The following CDH13 variants were observed in gnomAD, a reference collection of about 807,000 sequenced individuals.
CDH13 encodes cadherin-13.
Under a neutral mutation model 63.8 loss-of-function variants are expected in CDH13, and 24 were observed. The observed-to-expected ratio is 0.38, with a 90% CI of 0.27 to 0.53. CDH13 has a LOEUF of 0.53. Among genes scored for constraint, CDH13 ranks in the 20% least tolerant of loss-of-function variants. CDH13 has a pLI of 0.85. For synonymous variants in CDH13, 503 were observed against 355.3 expected (o/e 1.42, Z -4.67); for missense variants, 1,049 against 903.1 (o/e 1.16, Z -2.07).
At chr16:83,015,677 GTATATATATATA>G (rs71148803) in intron 2 of CDH13, among the ~76,000 whole-genome samples, 1,628 of 37,572 alleles carry the variant, frequency 0.043, 105 homozygotes, top group African/African-American at 0.096. Context: ...GTGTGTGTAT[GTATATATATATA>G]TATATATATA....
rs557044641 is a variant in CDH13, at chr16:83,099,081, C to G, written c.367-26304C>G. On this transcript the variant is annotated intron_variant, in intron 3 of 13. Coordinates refer to ENST00000567109, the MANE Select transcript of CDH13 (RefSeq NM_001257.5). ...ATATACATATATATGCACATACACA[C>G]CCACACACACATACATAAAGATAGT... is the stretch of plus-strand genomic sequence containing the variant. Among the ~76,000 whole-genome samples the G allele has an allele frequency of 2.6e-5, 4 of 152,028 alleles. No individual in the cohort carries two copies. In the South Asian group the frequency reaches 8.3e-4, roughly 32 times the overall value.
At chr16:83,005,244 A>T (rs543469753) in intron 2 of CDH13, among the ~76,000 whole-genome samples, 2 of 152,272 alleles carry the variant, frequency 1.3e-5, no homozygotes, top group East Asian at 1.9e-4. Context: ...GGATTTTTGG[A>T]TGATTATTTC....
In CDH13 at chr16:83,704,743, A is replaced by G. The variant is rs137945037; in HGVS notation, c.1538+26282A>G. Among the ~76,000 whole-genome samples, 4 of 152,232 alleles carry G rather than the reference A, an allele frequency of 2.6e-5. No individual in the cohort carries two copies. The East Asian group carries it at 7.7e-4, about 29-fold the overall frequency. On this transcript the variant is annotated intron_variant, in intron 10 of 13. Transcript: ENST00000567109. Reference sequence around the variant, plus strand: ...CTCATTTTTCACCAAACTGAACTCTATAATGGTACTACAATAGAAAAAAAA... The same window carrying G: ...CTCATTTTTCACCAAACTGAACTCTGTAATGGTACTACAATAGAAAAAAAA...
At chr16:83,020,960 T>TCCCC (rs1388334426) in intron 2 of CDH13, among the ~76,000 whole-genome samples, 7 of 152,212 alleles carry the variant, frequency 4.6e-5, no homozygotes, top group Non-Finnish European at 8.8e-5. Flanking sequence ...TCTCTTCACA[T>TCCCC]TAATTTACCC....
intron 4 of CDH13, among the ~76,000 whole-genome samples, chr16:83,140,018 C>A (rs1292285846): frequency 6.6e-6 from 1 of 152,176 alleles, no homozygotes; most frequent in South Asian, 2.1e-4. Flanking sequence ...AAATAAATAT[C>A]CCTGAGTCCC....
In CDH13 at chr16:82,858,731, T is replaced by C. The variant is rs1432209996; in HGVS notation, c.157+258T>C. The C allele has an allele frequency of 8.5e-6, 5 of 589,376 alleles. No homozygotes were observed. In the Admixed American group the frequency reaches 1.2e-4, roughly 14 times the overall value. 36.5% of individuals were successfully genotyped at this position (589,376 alleles called of 1,614,324 possible). Reference sequence around the variant, plus strand: ...ATACTGCTGTCAGAAAAGGGGGCTGTCAGCCTCCAATGAGAGTTGTACACT... The same window carrying C: ...ATACTGCTGTCAGAAAAGGGGGCTGCCAGCCTCCAATGAGAGTTGTACACT... On this transcript the variant is annotated intron_variant, in intron 2 of 13. Coordinates refer to ENST00000567109, the MANE Select transcript of CDH13 (RefSeq NM_001257.5).
chr16:82,892,334 C>G (rs2041109415), intron 2 of CDH13, among the ~76,000 whole-genome samples: 1 of 152,206 alleles, frequency 6.6e-6, no homozygotes, highest in Admixed American at 6.5e-5. Context: ...TGCTCACACA[C>G]TCTAGTCTTA....
intron 7 of CDH13, among the ~76,000 whole-genome samples, chr16:83,511,032 G>A (rs1046295520): frequency 5.9e-5 from 9 of 151,474 alleles, no homozygotes; most frequent in African/African-American, 1.9e-4. Flanking sequence ...ACACGGACAC[G>A]CACGCATGCA....
chr16:83,588,850 A>T (rs1906433421), intron 7 of CDH13, among the ~76,000 whole-genome samples: 1 of 152,194 alleles, frequency 6.6e-6, no homozygotes. Flanking sequence ...TGGGCGAGGA[A>T]TGAGGTGCGG....
At chr16:82,829,321 C>G (rs914521589) in intron 1 of CDH13, 4 of 152,130 alleles carry the variant, frequency 2.6e-5, no homozygotes, top group African/African-American at 9.7e-5. Flanking sequence ...TACCGCCTGA[C>G]TAGGATGATG....
At chr16:82,963,983 C>T (rs949996043) in intron 2 of CDH13, among the ~76,000 whole-genome samples, 2 of 152,172 alleles carry the variant, frequency 1.3e-5, no homozygotes, top group Non-Finnish European at 2.9e-5. Context: ...CACCGCTGTT[C>T]ACACAGGGAA....
chr16:83,619,345 C>G (rs180866464), intron 8 of CDH13, among the ~76,000 whole-genome samples: 1 of 152,188 alleles, frequency 6.6e-6, no homozygotes, highest in East Asian at 1.9e-4. Context: ...AAAGTCATAA[C>G]AGAGGGGGAC....
chr16:83,404,761 T>C (rs757169698), intron 6 of CDH13, among the ~76,000 whole-genome samples: 1 of 152,192 alleles, frequency 6.6e-6, no homozygotes, highest in Admixed American at 6.5e-5. Flanking sequence ...TGTATATCCT[T>C]TTGTGCTGTG....
intron 10 of CDH13, among the ~76,000 whole-genome samples, chr16:83,678,716 A>G (rs1915162979): frequency 6.6e-6 from 1 of 151,998 alleles, no homozygotes; most frequent in Non-Finnish European, 1.5e-5. Flanking sequence ...TTCCCAAATG[A>G]CCAGCCGGGT....
chr16:83,175,678 A>G (rs981611804), intron 4 of CDH13, among the ~76,000 whole-genome samples: 1 of 143,186 alleles, frequency 7.0e-6, no homozygotes, highest in Non-Finnish European at 1.6e-5. Context: ...CAAACAAACA[A>G]ACACCGTCAT....
At chr16:82,924,785 A>G (rs947509857) in intron 2 of CDH13, among the ~76,000 whole-genome samples, 8 of 152,150 alleles carry the variant, frequency 5.3e-5, no homozygotes, top group African/African-American at 1.9e-4. Flanking sequence ...GTGAAGTGAA[A>G]GCTTTGAGCA....
At chr16:82,953,035 G>T (rs563032893) in intron 2 of CDH13, among the ~76,000 whole-genome samples, 1 of 152,146 alleles carries the variant, frequency 6.6e-6, no homozygotes, top group African/African-American at 2.4e-5. Context: ...TGTTTTAAGC[G>T]ATAGAGAATT....
chr16:83,276,180 C>T (rs1478170311), intron 5 of CDH13, among the ~76,000 whole-genome samples: 2 of 152,144 alleles, frequency 1.3e-5, no homozygotes, highest in Admixed American at 6.5e-5. Context: ...CCCAATCCAT[C>T]CCAATCACTC....
intron 5 of CDH13, among the ~76,000 whole-genome samples, chr16:83,259,033 T>A (rs1906639822): frequency 6.6e-6 from 1 of 152,184 alleles, no homozygotes; most frequent in Admixed American, 6.5e-5. Flanking sequence ...GCCAGCCTTG[T>A]ACTTAAACTT....
Sources: allele counts gnomAD v4.1 joint callset (sites outside exome capture counted in the v4.1 genomes callset), GRCh38; gene constraint gnomAD v4.1.1; transcripts MANE v1.5; gene names NCBI Gene and HGNC (gene_info 2026-07-23, HGNC 2026-07-21).